The following CHST8 variants were observed in gnomAD, a reference collection of about 807,000 sequenced individuals.
CHST8 encodes the protein carbohydrate sulfotransferase 8.
Under a neutral mutation model 15.0 loss-of-function variants are expected in CHST8, and 10 were observed. The observed-to-expected ratio is 0.67, with a 90% CI of 0.41 to 1.13. CHST8 has a LOEUF of 1.13. Among genes scored for constraint, CHST8 ranks in the 50% most tolerant of loss-of-function variants. CHST8 has a pLI of 0.00. For synonymous variants in CHST8, 259 were observed against 256.6 expected, an observed-to-expected ratio of 1.01 and a Z score of -0.09; for missense variants, 634 against 608.2, an observed-to-expected ratio of 1.04 and a Z score of -0.45.
chr19:33,701,040 GGA>G (rs1345449671), intron 3 of CHST8, among the ~76,000 whole-genome samples: 1 of 152,144 alleles, frequency 6.6e-6, no homozygotes, highest in African/African-American at 2.4e-5. Flanking sequence ...GCTAGCTTTG[GGA>G]CCATCATTGA....
chr19:33,717,711 C>T (rs1973687949), intron 3 of CHST8, among the ~76,000 whole-genome samples: 7 of 152,016 alleles, frequency 4.6e-5, no homozygotes, highest in Admixed American at 4.6e-4. Context: ...GAGCATACAG[C>T]GAGGTCCTAG....
At chr19:33,746,198 T>C (rs1263913377) in intron 3 of CHST8, among the ~76,000 whole-genome samples, 3 of 152,218 alleles carry the variant, frequency 2.0e-5, no homozygotes, top group Admixed American at 2.0e-4. Context: ...AGTTCTAAAA[T>C]ATGTTCACAT....
At chr19:33,660,287 C>T (rs778978792) in intron 1 of CHST8, among the ~76,000 whole-genome samples, 12 of 152,212 alleles carry the variant, frequency 7.9e-5, no homozygotes, top group Non-Finnish European at 1.8e-4. Context: ...GACTCCTCAG[C>T]TTAACTTCCT....
Position 33,689,375 on chromosome 19 carries a change from C to T in CHST8, c.114C>T (p.Ala38=), listed in dbSNP as rs1409188639. 1.9e-6 allele frequency: 3 copies of T among 1,598,378 alleles called. No homozygotes were observed. Among genetic ancestry groups the T allele is most frequent in the Admixed American group, 3.4e-5 (2 of 58,198 alleles). Reference sequence around the variant, plus strand: ...GCCTGCAGGACCCTACGGAGCTCGCCCCCCAGCAGGTGCCAGGTGAGTCCT... The same window carrying T: ...GCCTGCAGGACCCTACGGAGCTCGCTCCCCAGCAGGTGCCAGGTGAGTCCT... The part of the protein sequence containing the change: ...FISLQDPTEL[A]PQQVPGIKFN... The change falls in exon 3 of 5, where the codon GCC becomes GCT. Residue 38 remains alanine (A), a synonymous_variant. Coordinates refer to ENST00000650847, the MANE Select transcript of CHST8 (RefSeq NM_001127895.2).
At chr19:33,700,541 T>C (rs1000522645) in intron 3 of CHST8, among the ~76,000 whole-genome samples, 3 of 152,146 alleles carry the variant, frequency 2.0e-5, no homozygotes, top group Non-Finnish European at 2.9e-5. Flanking sequence ...ACTCCTGGAG[T>C]GCCTTCTCCT....
At chr19:33,766,983 G>A (rs781373605) in intron 3 of CHST8, among the ~76,000 whole-genome samples, 18 of 152,248 alleles carry the variant, frequency 1.2e-4, no homozygotes, top group Non-Finnish European at 2.5e-4. Context: ...TGGCATGGCC[G>A]CTCCTGCCCT....
chr19:33,705,839 A>G lies in CHST8; in HGVS notation c.130+16448A>G, dbSNP rs113300261. ...GCCTCTGTGTCACAGCGATGTCCCCAGTACTAGGAGAGGGACCCAAGAGTC... is the reference window on the plus strand; with the variant it reads ...GCCTCTGTGTCACAGCGATGTCCCCGGTACTAGGAGAGGGACCCAAGAGTC... On this transcript the variant is annotated intron_variant, in intron 3 of 4. Coordinates refer to ENST00000650847, the MANE Select transcript of CHST8 (RefSeq NM_001127895.2). Among the ~76,000 whole-genome samples the G allele has an allele frequency of 9.6e-3, 1,461 of 152,224 alleles. 21 individuals carry two copies. The highest frequency in any genetic ancestry group is 0.033 in the African/African-American group (1,376 of 41,548).
intron 3 of CHST8, among the ~76,000 whole-genome samples, chr19:33,698,525 T>G (rs1973268792): frequency 6.6e-6 from 1 of 151,684 alleles, no homozygotes; most frequent in African/African-American, 2.4e-5. Flanking sequence ...GGATATCGCA[T>G]GCAGTGTTGG....
intron 3 of CHST8, among the ~76,000 whole-genome samples, chr19:33,741,202 ACT>A (rs1490308736): frequency 6.6e-6 from 1 of 151,610 alleles, no homozygotes; most frequent in Non-Finnish European, 1.5e-5. Flanking sequence ...GCTTGTATTG[ACT>A]CTGCCTGTAA....
intron 3 of CHST8, among the ~76,000 whole-genome samples, chr19:33,690,250 G>A (rs897994687): frequency 2.0e-5 from 3 of 152,260 alleles, no homozygotes; most frequent in Admixed American, 6.5e-5. Flanking sequence ...CAGAGACACC[G>A]CTCCTCTGCA....
chr19:33,755,118 C>G (rs746183), intron 3 of CHST8, among the ~76,000 whole-genome samples: 4 of 152,182 alleles, frequency 2.6e-5, no homozygotes, highest in Non-Finnish European at 5.9e-5. Context: ...CAGGATGGTG[C>G]CTTCCTGTGG....
At chr19:33,712,902 C>T (rs1275027755) in intron 3 of CHST8, among the ~76,000 whole-genome samples, 3 of 152,208 alleles carry the variant, frequency 2.0e-5, no homozygotes, top group Non-Finnish European at 4.4e-5. Flanking sequence ...TACCATCTGT[C>T]CATCTTCACT....
At chr19:33,654,025 T>C (rs567817540) in intron 1 of CHST8, among the ~76,000 whole-genome samples, 84 of 152,340 alleles carry the variant, frequency 5.5e-4, no homozygotes, top group African/African-American at 1.9e-3. Flanking sequence ...ATTCTCTTCC[T>C]TGGAATTCAG....
At position 33,772,730 on chromosome 19, in the gene CHST8, C is replaced by T; in HGVS notation, c.942C>T (p.Tyr314=). The T allele has an allele frequency of 6.2e-7, 1 of 1,613,356 alleles. No homozygotes were observed. Among genetic ancestry groups the T allele is most frequent in the Non-Finnish European group, 8.5e-7 (1 of 1,179,950 alleles). ...TGCGTTTTCCCGAGTTCGTCCAGTA[C>T]CTGCTGGACGTGCACCGGCCCGTGG... is the stretch of plus-strand genomic sequence containing the variant. ...SGVRFPEFVQ[Y]LLDVHRPVGM... is the part of the protein sequence containing the mutation. The change falls in exon 5 of 5, where the codon TAC becomes TAT. Residue 314 remains tyrosine (Y), a synonymous_variant. Transcript: ENST00000650847.
In CHST8 at chr19:33,629,999, C is replaced by T. The variant is rs973181607; in HGVS notation, c.-164+7703C>T. Among the ~76,000 whole-genome samples the T allele has an allele frequency of 3.9e-5, 6 of 152,220 alleles. No homozygotes were observed. In the East Asian group the frequency reaches 5.8e-4, roughly 15 times the overall value. On this transcript the variant is annotated intron_variant, in intron 1 of 4. Transcript: ENST00000650847. ...GCCCCTCTGCCAGCAGCCCCTAGCC[C>T]GGGCACAGACTGACTCGCACTTGGC...
At chr19:33,643,884 A>G (rs978071518) in intron 1 of CHST8, among the ~76,000 whole-genome samples, 15 of 152,202 alleles carry the variant, frequency 9.9e-5, no homozygotes, top group Non-Finnish European at 2.1e-4. Flanking sequence ...TAAGTTTACT[A>G]TTTATCCTTA....
intron 1 of CHST8, among the ~76,000 whole-genome samples, chr19:33,634,596 T>C (rs1050980102): frequency 1.4e-5 from 2 of 142,784 alleles, no homozygotes; most frequent in African/African-American, 5.2e-5. Context: ...TGCTGAGCCC[T>C]GGCCCAGCCC....
intron 1 of CHST8, among the ~76,000 whole-genome samples, chr19:33,627,840 T>C (rs1972075766): frequency 6.6e-6 from 1 of 152,174 alleles, no homozygotes; most frequent in South Asian, 2.1e-4. Flanking sequence ...GGACATGAGG[T>C]GAGCAAAGCT....
chr19:33,725,730 C>A (rs1568344309), intron 3 of CHST8, among the ~76,000 whole-genome samples: 1 of 152,222 alleles, frequency 6.6e-6, no homozygotes, highest in Non-Finnish European at 1.5e-5. Context: ...CCAGGGTGAG[C>A]CAAGAGAACA....
Sources: gnomAD v4.1 joint callset for allele counts (sites outside exome capture counted in the v4.1 genomes callset) on GRCh38, gnomAD v4.1.1 for gene constraint, MANE v1.5 for transcripts, NCBI Gene and HGNC (gene_info 2026-07-23, HGNC 2026-07-21) for gene names.